KLF12: variants seen among roughly 807,000 people sequenced by gnomAD.
KLF12 encodes the protein Krueppel-like factor 12.
KLF12 carries 9 observed loss-of-function variants against 37.8 expected under a neutral mutation model. That is an observed-to-expected ratio of 0.24 (90% confidence interval 0.14 to 0.42). KLF12 has a LOEUF of 0.42. KLF12 is among the 10% of genes least tolerant of loss of function. The probability of loss-of-function intolerance (pLI) is 1.00; values close to 1 mark genes in which losing one functional copy is unlikely to be tolerated. For missense variants in KLF12, 411 were observed against 516.0 expected, an observed-to-expected ratio of 0.80 and a Z score of 1.97; for synonymous variants, 208 against 202.1, an observed-to-expected ratio of 1.03 and a Z score of -0.25.
Position 73,908,772 on chromosome 13 carries a change from G to A in KLF12, c.123+35209C>T, listed in dbSNP as rs534183919. On this transcript the variant is annotated intron_variant, in intron 3 of 7. Transcript: ENST00000377669. ...TGGGATTACAGGCGTGAGCTACCGC[G>A]CCTGGCCGGTTTTCATTTTTCTTTA... Among the ~76,000 whole-genome samples, 5 of 152,150 alleles carry A rather than the reference G, an allele frequency of 3.3e-5. No individual in the cohort carries two copies. The East Asian group carries it at 7.8e-4, about 24-fold the overall frequency.
At chr13:74,050,011 A>C (rs1872805579) in intron 1 of KLF12, among the ~76,000 whole-genome samples, 1 of 151,996 alleles carries the variant, frequency 6.6e-6, no homozygotes, top group African/African-American at 2.4e-5. Flanking sequence ...TAATTCCCTA[A>C]AGGAAGGACT....
At chr13:74,260,787 C>A in the KLF12 span, among the ~76,000 whole-genome samples, 8 of 151,514 alleles carry the variant, frequency 5.3e-5, no homozygotes, top group Non-Finnish European at 1.2e-4. Context: ...TAAAAATTTG[C>A]GGGTATGTGT....
intron 3 of KLF12, among the ~76,000 whole-genome samples, chr13:73,921,337 T>C (rs958049173): frequency 2.6e-5 from 4 of 152,160 alleles, no homozygotes; most frequent in African/African-American, 9.7e-5. Flanking sequence ...AAGGTGGAAG[T>C]AGAGTTCCTT....
chr13:74,165,913 T>C, the KLF12 span, among the ~76,000 whole-genome samples: 2,162 of 152,236 alleles, frequency 0.014, 45 homozygotes, highest in African/African-American at 0.048. Flanking sequence ...TTGCAAAATC[T>C]AGTTTCTGTT....
intron 1 of KLF12, among the ~76,000 whole-genome samples, chr13:74,101,984 C>T (rs1412361542): frequency 6.6e-6 from 1 of 151,768 alleles, no homozygotes; most frequent in South Asian, 2.1e-4. Flanking sequence ...CTTTGGGAGG[C>T]CGAGACGGGC....
At chr13:73,998,513 A>G (rs144481580) in intron 1 of KLF12, among the ~76,000 whole-genome samples, 2 of 152,352 alleles carry the variant, frequency 1.3e-5, no homozygotes, top group East Asian at 3.9e-4. Context: ...TCTGTCTTCT[A>G]GATTCAAGTT....
intron 1 of KLF12, among the ~76,000 whole-genome samples, chr13:74,010,152 A>T (rs1178449158): frequency 6.6e-6 from 1 of 152,074 alleles, no homozygotes; most frequent in Non-Finnish European, 1.5e-5. Flanking sequence ...CACATGGCCC[A>T]GGCTGGTCTC....
the KLF12 span, among the ~76,000 whole-genome samples, chr13:74,249,336 TCACACA>T: frequency 0.02 from 1,487 of 74,128 alleles, 7 homozygotes; most frequent in African/African-American, 0.042. Flanking sequence ...AGCAGGAGCA[TCACACA>T]CACACACACA....
chr13:73,984,525 T>C (rs1448878718), intron 2 of KLF12, among the ~76,000 whole-genome samples: 4 of 152,028 alleles, frequency 2.6e-5, no homozygotes, highest in African/African-American at 9.7e-5. Flanking sequence ...GCATGTGCCC[T>C]TGTACATCCA....
At chr13:73,809,931 AT>A (rs1882839627) in intron 5 of KLF12, among the ~76,000 whole-genome samples, 1 of 152,190 alleles carries the variant, frequency 6.6e-6, no homozygotes, top group Non-Finnish European at 1.5e-5. Flanking sequence ...CATTTGCACT[AT>A]TACATAAAAT....
chr13:73,916,592 T>A (rs1434120596), intron 3 of KLF12, among the ~76,000 whole-genome samples: 1 of 152,228 alleles, frequency 6.6e-6, no homozygotes, highest in African/African-American at 2.4e-5. Context: ...TGTCAATGTC[T>A]TTGCCTCCTA....
chr13:74,093,278 C>T (rs1179666139), intron 1 of KLF12, among the ~76,000 whole-genome samples: 1 of 152,148 alleles, frequency 6.6e-6, no homozygotes, highest in Admixed American at 6.5e-5. Flanking sequence ...TTGGAGGCAA[C>T]AGTGTTGAAA....
intron 6 of KLF12, among the ~76,000 whole-genome samples, chr13:73,751,437 G>A (rs566076011): frequency 7.2e-5 from 11 of 152,242 alleles, no homozygotes; most frequent in Admixed American, 3.3e-4. Flanking sequence ...TCTGACTGGT[G>A]TAAGATGGAA....
chr13:73,949,534 A>T (rs569285431), intron 2 of KLF12, among the ~76,000 whole-genome samples: 10 of 152,112 alleles, frequency 6.6e-5, no homozygotes, highest in Non-Finnish European at 7.4e-5. Context: ...CAGTAACTTC[A>T]TTTGCTACCC....
intron 5 of KLF12, among the ~76,000 whole-genome samples, chr13:73,773,034 A>C (rs1330853071): frequency 6.6e-6 from 1 of 152,194 alleles, no homozygotes; most frequent in Non-Finnish European, 1.5e-5. Flanking sequence ...AGAAGCCAGT[A>C]TAGGGAATAA....
intron 1 of KLF12, among the ~76,000 whole-genome samples, chr13:73,995,619 G>T (rs563383179): frequency 4.3e-4 from 66 of 152,180 alleles, no homozygotes; most frequent in African/African-American, 1.6e-3. Flanking sequence ...TTAAAAAAAT[G>T]ATCTAAATTA....
chr13:73,756,295 A>T (rs992480973), intron 6 of KLF12, among the ~76,000 whole-genome samples: 1 of 152,180 alleles, frequency 6.6e-6, no homozygotes, highest in Admixed American at 6.6e-5. Context: ...TGCCTATCGT[A>T]TATGTGATAT....
At chr13:74,264,452 A>G in the KLF12 span, among the ~76,000 whole-genome samples, 1 of 152,206 alleles carries the variant, frequency 6.6e-6, no homozygotes, top group Admixed American at 6.5e-5. Context: ...TTCTTTGGTG[A>G]GAGTTAAAAT....
At chr13:73,956,442 T>C (rs1890836193) in intron 2 of KLF12, among the ~76,000 whole-genome samples, 1 of 152,224 alleles carries the variant, frequency 6.6e-6, no homozygotes, top group Admixed American at 6.5e-5. Flanking sequence ...CGGGCTGTCC[T>C]GTACATTGTA....
Sources: allele counts gnomAD v4.1 joint callset (sites outside exome capture counted in the v4.1 genomes callset), GRCh38; gene constraint gnomAD v4.1.1; transcripts MANE v1.5; gene names NCBI Gene and HGNC (gene_info 2026-07-23, HGNC 2026-07-21).